GGT7: variants seen among roughly 807,000 people sequenced by gnomAD.
GGT7 encodes the protein gamma-glutamyltransferase 7, also known as glutathione hydrolase 7.
Under a neutral mutation model 69.2 loss-of-function variants are expected in GGT7, and 30 were observed. That is an observed-to-expected ratio of 0.43 (90% confidence interval 0.32 to 0.59). The LOEUF is 0.59. Among genes scored for constraint, GGT7 ranks in the 20% least tolerant of loss-of-function variants. The pLI is 0.05. For synonymous variants in GGT7, 388 were observed against 391.8 expected, an observed-to-expected ratio of 0.99 and a Z score of 0.12; for missense variants, 733 against 901.1, an observed-to-expected ratio of 0.81 and a Z score of 2.39.
rs368768758 is a variant in GGT7, at chr20:34,859,468, T to C, written c.989A>G (p.Asn330Ser). ...CTCGGCCACCATCTCCAGTGTGAGG[T>C]TGCCACCTGCGTAGAAGGCAGCCGG... ...SGPAAFYAGG[N>S]LTLEMVAEAQ... The change falls in exon 7 of 15, where the codon AAC becomes AGC. Residue 330 changes from asparagine to serine, a missense_variant. Coordinates refer to ENST00000336431, the MANE Select transcript of GGT7 (RefSeq NM_178026.3). 3.2e-5 allele frequency: 51 copies of C among 1,596,724 alleles called. No individual in the cohort carries two copies. The highest frequency in any genetic ancestry group is 4.1e-5 in the Non-Finnish European group (48 of 1,166,960).
chr20:34,861,581 G>A lies in GGT7; in HGVS notation c.558-19C>T. 1 of 1,385,604 alleles carries A rather than the reference G, an allele frequency of 7.2e-7. No homozygotes were observed. Among genetic ancestry groups the A allele is most frequent in the Non-Finnish European group, 9.7e-7 (1 of 1,031,958 alleles). The allele number at this position is 1,385,604 out of a possible 1,614,324, so 85.8% of individuals were successfully genotyped here. On this transcript the variant is annotated intron_variant, in intron 3 of 14. Transcript: ENST00000336431. ...GCCCCCACTGGGAGAGACACAGAAG[G>A]GGAAGTGTGATGATAACATGCTACC...
chr20:34,852,248 G>A lies in GGT7; in HGVS notation c.1494C>T (p.Ser498=), dbSNP rs746544534. Residue 498 remains serine (S), a synonymous_variant, in exon 12 of 15, where the codon AGC becomes AGT. Coordinates refer to ENST00000336431, the MANE Select transcript of GGT7 (RefSeq NM_178026.3). ...MVSSLNQPFG[S]GLITPSGILL... Reference sequence around the variant, plus strand: ...GGATCCCCGAGGGGGTGATAAGGCCGCTGCCAAAGGGCTGGTTCAGGGAGC... The same window carrying A: ...GGATCCCCGAGGGGGTGATAAGGCCACTGCCAAAGGGCTGGTTCAGGGAGC... 31 of 1,613,470 alleles carry A rather than the reference G, an allele frequency of 1.9e-5. No homozygotes were observed. The highest frequency in any genetic ancestry group is 1.4e-4 in the South Asian group (13 of 91,082).
At position 34,863,464 on chromosome 20, in the gene GGT7, A is replaced by G. The variant is rs1050468103; in HGVS notation, c.254T>C (p.Leu85Pro). The G allele has an allele frequency of 6.2e-7, 1 of 1,611,186 alleles. No homozygotes were observed. Among genetic ancestry groups the G allele is most frequent in the Admixed American group, 1.7e-5 (1 of 59,846 alleles). ...GAACGGGTCTTTGCGCGTCTCGCGT[A>G]GCGGCGACCCGTCTTGGCTGCCCAT... Reference protein sequence around the residue: ...SEMGSQDGSPLRETRKDPFSA... With the variant: ...SEMGSQDGSPPRETRKDPFSA... The change falls in exon 2 of 15, where the codon CTA becomes CCA. Residue 85 changes from leucine (L) to proline (P), a missense_variant. Physicochemically the swap from Leu to Pro is moderately conservative, Grantham distance 98 (BLOSUM62 -3). Coordinates refer to ENST00000336431, the MANE Select transcript of GGT7 (RefSeq NM_178026.3). The surrounding 1 kb of genome is among the most constrained non-coding windows in gnomAD (Gnocchi z 4.4).
Position 34,859,636 on chromosome 20 carries a change from C to T in GGT7, c.821G>A (p.Arg274His), listed in dbSNP as rs371615167. ...GGGTGGCAGCTGTTCAGCCAGGGCA[C>T]GGGCTAGGGGCAGGGACGGGAGGCT... ...DGFNVTHDLA[R>H]ALAEQLPPNM... The change falls in exon 7 of 15, where the codon CGT (arginine) becomes CAT (histidine). Residue 274 changes from arginine to histidine, a missense_variant. Physicochemically the swap from Arg to His is conservative, Grantham distance 29 (BLOSUM62 0). Coordinates refer to ENST00000336431, the MANE Select transcript of GGT7 (RefSeq NM_178026.3). The T allele has an allele frequency of 3.3e-5, 52 of 1,592,324 alleles. No individual in the cohort carries two copies. Among genetic ancestry groups the T allele is most frequent in the Admixed American group, 1.7e-4 (10 of 57,988 alleles).
intron 13 of GGT7, chr20:34,851,026 A>G: frequency 1.5e-6 from 1 of 682,050 alleles, no homozygotes; most frequent in East Asian, 2.7e-5. Context: ...ACCGGGAAAG[A>G]CAGGGAGCAT....
intron 14 of GGT7, among the ~76,000 whole-genome samples, chr20:34,847,603 T>C (rs1165495643): frequency 6.6e-6 from 1 of 152,264 alleles, no homozygotes; most frequent in African/African-American, 2.4e-5. Flanking sequence ...AGTTTCAGTC[T>C]GCTCTCTAAC....
At chr20:34,852,575 G>A in intron 10 of GGT7, 37 bp from the exon 11 acceptor site, 3 of 1,540,848 alleles carry the variant, frequency 1.9e-6, no homozygotes, top group Non-Finnish European at 2.6e-6. Context: ...GCAAACAACA[G>A]GCTCTCAATA....
intron 14 of GGT7, among the ~76,000 whole-genome samples, chr20:34,846,162 C>T (rs1279164365): frequency 6.6e-6 from 1 of 151,984 alleles, no homozygotes; most frequent in African/African-American, 2.4e-5. Context: ...TCTCCACCTG[C>T]CAAAGTCAAG....
In GGT7 at chr20:34,858,988, T is replaced by C. The variant is rs368128361; in HGVS notation, c.1014+455A>G. ...GAGTTCGAGACCAGCCTGGCCAACA[T>C]GGTGAAACCTCATCTCTACTAAAAA... On this transcript the variant is annotated intron_variant, in intron 7 of 14. Transcript: ENST00000336431. 3.9e-5 allele frequency among the ~76,000 whole-genome samples: 6 copies of C among 152,154 alleles called. 1 individual carries two copies. In the East Asian group the frequency reaches 1.2e-3, roughly 29 times the overall value.
chr20:34,868,930 A>G (rs1255664482), intron 1 of GGT7, among the ~76,000 whole-genome samples: 4 of 152,194 alleles, frequency 2.6e-5, no homozygotes, highest in Non-Finnish European at 5.9e-5. Flanking sequence ...TAGGTACCTT[A>G]ATCCAGCTAT....
At chr20:34,848,917 C>G (rs2079342281) in intron 14 of GGT7, among the ~76,000 whole-genome samples, 1 of 152,150 alleles carries the variant, frequency 6.6e-6, no homozygotes, top group Non-Finnish European at 1.5e-5. Context: ...CAGATACTTT[C>G]CTGTTTATAA....
Position 34,861,548 on chromosome 20 carries a change from A to G in GGT7, c.572T>C (p.Leu191Pro). 1 of 1,502,350 alleles carries G rather than the reference A, an allele frequency of 6.7e-7. No individual in the cohort carries two copies. Among genetic ancestry groups the G allele is most frequent in the Middle Eastern group, 2.2e-4 (1 of 4,648 alleles). The allele number at this position is 1,502,350 out of a possible 1,614,324, so 93.1% of individuals were successfully genotyped here. ...CTCATTTCGTCGGATGTCATGTACC[A>G]GCATCACGCCCCCACTGGGAGAGAC... is the stretch of plus-strand genomic sequence containing the variant. ...SSGLGGGGVM[L>P]VHDIRRNESH... The change falls in exon 4 of 15, where the codon CTG becomes CCG. Residue 191 changes from leucine (L) to proline (P), a missense_variant. Physicochemically the swap from Leu to Pro is moderately conservative, Grantham distance 98 (BLOSUM62 -3). Transcript: ENST00000336431.
At chr20:34,864,061 T>A (rs1390743701) in intron 1 of GGT7, among the ~76,000 whole-genome samples, 5 of 152,130 alleles carry the variant, frequency 3.3e-5, no homozygotes, top group African/African-American at 1.2e-4. Context: ...CCTCATGTGG[T>A]TCATAGAGCC....
intron 14 of GGT7, among the ~76,000 whole-genome samples, chr20:34,847,503 G>A (rs771066202): frequency 6.6e-6 from 1 of 152,172 alleles, no homozygotes; most frequent in East Asian, 1.9e-4. Context: ...TTGAGATGAA[G>A]ACCCAATCTT....
chr20:34,869,163 A>AATATAT (rs145650638), intron 1 of GGT7, among the ~76,000 whole-genome samples: 1 of 149,828 alleles, frequency 6.7e-6, no homozygotes, highest in African/African-American at 2.5e-5. Context: ...TAAATAAATA[A>AATATAT]ATATATATAT....
Position 34,863,316 on chromosome 20 carries a change from G to A in GGT7, c.402C>T (p.Pro134=), listed in dbSNP as rs2079630360. The A allele has an allele frequency of 6.2e-7, 1 of 1,609,238 alleles. No individual in the cohort carries two copies. Among genetic ancestry groups the A allele is most frequent in the Non-Finnish European group, 8.5e-7 (1 of 1,176,276 alleles). The change falls in exon 2 of 15, where the codon CCC becomes CCT. Residue 134 remains proline, a synonymous_variant. Coordinates refer to ENST00000336431, the MANE Select transcript of GGT7 (RefSeq NM_178026.3). This position sits in a 1 kb window ranked among gnomAD's most constrained non-coding sequence, Gnocchi z 4.4. ...ALVMQIYFGD[P]QIFQQGAVVT... is the part of the protein sequence containing the mutation. ...CCTCCCCATTTGTCCCCCTCACCTG[G>A]GGGTCCCCGAAGTAGATCTGCATGA...
rs1478588364 is a variant in GGT7, at chr20:34,863,263, C to CCCACT, written c.405+45_405+49dup. On this transcript the variant is annotated intron_variant, in intron 2 of 14. Coordinates refer to ENST00000336431, the MANE Select transcript of GGT7 (RefSeq NM_178026.3). The surrounding 1 kb of genome is among the most constrained non-coding windows in gnomAD (Gnocchi z 4.4). ...GTTTCCACAGTTCCTCAAACATTAC[C>CCCACT]CCACTCCCCACTCCCCAGTTTCCTC... The CCCACT allele has an allele frequency of 7.7e-7, 1 of 1,303,514 alleles. No individual in the cohort carries two copies. The highest frequency in any genetic ancestry group is 1.5e-5 in the African/African-American group (1 of 68,664). The allele number at this position is 1,303,514 out of a possible 1,614,324, so 80.7% of individuals were successfully genotyped here.
intron 1 of GGT7, among the ~76,000 whole-genome samples, chr20:34,870,392 A>G (rs1015082806): frequency 6.6e-6 from 1 of 152,150 alleles, no homozygotes; most frequent in Non-Finnish European, 1.5e-5. Context: ...CTCTCCTACC[A>G]TTCTTTCATC....
intron 1 of GGT7, among the ~76,000 whole-genome samples, chr20:34,871,308 C>G (rs945701357): frequency 3.9e-5 from 6 of 152,140 alleles, no homozygotes; most frequent in African/African-American, 1.4e-4. Context: ...AGGCCCAGGA[C>G]AGGGTAGGTG....
Sources: allele counts gnomAD v4.1 joint callset (sites outside exome capture counted in the v4.1 genomes callset), GRCh38; gene constraint gnomAD v4.1.1; non-coding constraint Gnocchi (gnomAD v3.1); transcripts MANE v1.5; gene names NCBI Gene and HGNC (gene_info 2026-07-23, HGNC 2026-07-21).